The following ARHGAP8 variants were observed in gnomAD, a reference collection of about 807,000 sequenced individuals.
ARHGAP8 encodes rho GTPase-activating protein 8.
ARHGAP8 carries 62 observed loss-of-function variants against 46.1 expected under a neutral mutation model. The ratio of observed to expected loss-of-function variants is 1.34; its 90% CI spans 1.10 to 1.66. The LOEUF is 1.66. ARHGAP8 is among the 40% of genes most tolerant of loss of function. The probability of loss-of-function intolerance (pLI) is 0.00; values close to 1 mark genes in which losing one functional copy is unlikely to be tolerated. For synonymous variants in ARHGAP8, 375 were observed against 243.1 expected (o/e 1.54, Z -5.05); for missense variants, 923 against 568.4 (o/e 1.62, Z -6.34).
chr22:44,821,127 C>G (rs1337525760), intron 5 of ARHGAP8, among the ~76,000 whole-genome samples: 1 of 152,064 alleles, frequency 6.6e-6, no homozygotes, highest in Non-Finnish European at 1.5e-5. Flanking sequence ...AATTCTTTAC[C>G]CACATTAATA....
At chr22:44,756,664 C>G (rs1184950169) in intron 1 of ARHGAP8, among the ~76,000 whole-genome samples, 1 of 150,050 alleles carries the variant, frequency 6.7e-6, no homozygotes, top group Non-Finnish European at 1.5e-5. Context: ...CTCCCTATTC[C>G]CCATATCATT....
rs117130706 is a variant in ARHGAP8 at position 44,804,052 on chromosome 22, C to T, written c.167+1888C>T. 4.2e-3 allele frequency among the ~76,000 whole-genome samples: 631 copies of T among 151,798 alleles called. 12 individuals carry two copies. In the East Asian group the frequency reaches 0.06, roughly 14 times the overall value. ...CAGTCTTGAGCGTGGGCCCGGGCCT[C>T]ACGCCCTCTTAGGTCTGCCTGCTTC... On this transcript the variant is annotated intron_variant, in intron 3 of 11. Coordinates refer to ENST00000356099, the MANE Select transcript of ARHGAP8 (RefSeq NM_181335.3).
chr22:44,776,091 C>T (rs970436895), intron 1 of ARHGAP8, among the ~76,000 whole-genome samples: 1 of 152,192 alleles, frequency 6.6e-6, no homozygotes, highest in Non-Finnish European at 1.5e-5. Flanking sequence ...CTTCACGGCA[C>T]TTCCCATCCC....
intron 10 of ARHGAP8, among the ~76,000 whole-genome samples, chr22:44,855,466 C>G (rs766549126): frequency 2.0e-5 from 3 of 152,118 alleles, no homozygotes; most frequent in Non-Finnish European, 4.4e-5. Flanking sequence ...TGCCTGGCCA[C>G]AAACCAAGAT....
chr22:44,817,134 G>GC (rs78108808), intron 5 of ARHGAP8, among the ~76,000 whole-genome samples: 20,283 of 152,038 alleles, frequency 0.13, 2,000 homozygotes, highest in East Asian at 0.37. Flanking sequence ...TGATCCACCC[G>GC]CCTCGGCCTC....
At chr22:44,801,231 C>T (rs187099634) in intron 2 of ARHGAP8, among the ~76,000 whole-genome samples, 14 of 68,912 alleles carry the variant, frequency 2.0e-4, no homozygotes, top group Non-Finnish European at 2.2e-4. Flanking sequence ...CGCAGCTGTC[C>T]ATGTGTGGGG....
At chr22:44,792,792 A>AGTGGTGGTGGTGGTG (rs756818869) in intron 2 of ARHGAP8, among the ~76,000 whole-genome samples, 31 of 91,954 alleles carry the variant, frequency 3.4e-4, no homozygotes, top group African/African-American at 1.3e-3. Flanking sequence ...CACTAACGAC[A>AGTGGTGGTGGTGGTG]GTGGTGGTGG....
chr22:44,803,203 C>T (rs1188466777), intron 3 of ARHGAP8, among the ~76,000 whole-genome samples: 1 of 152,112 alleles, frequency 6.6e-6, no homozygotes, highest in East Asian at 1.9e-4. Context: ...TGAGGGGGTG[C>T]CTGGGCCCCA....
intron 7 of ARHGAP8, among the ~76,000 whole-genome samples, chr22:44,828,179 A>G (rs1388294493): frequency 6.6e-6 from 1 of 152,234 alleles, no homozygotes; most frequent in Non-Finnish European, 1.5e-5. Flanking sequence ...GCAAGAGACT[A>G]TATGTTGAAA....
intron 10 of ARHGAP8, 28 bp from the exon 11 acceptor site, chr22:44,859,703 C>T (rs374860766): frequency 1.9e-5 from 31 of 1,610,394 alleles, no homozygotes; most frequent in Middle Eastern, 1.6e-4. Flanking sequence ...CCCTCTGGAG[C>T]TCAGCAGGGA....
At chr22:44,858,987 A>G (rs376328479) in intron 10 of ARHGAP8, among the ~76,000 whole-genome samples, 6 of 151,804 alleles carry the variant, frequency 4.0e-5, no homozygotes, top group African/African-American at 7.3e-5. Flanking sequence ...GCAATGTACA[A>G]AATGTCCGTG....
chr22:44,846,813 G>A (rs905227828), intron 8 of ARHGAP8, among the ~76,000 whole-genome samples: 7 of 152,120 alleles, frequency 4.6e-5, no homozygotes, highest in East Asian at 3.9e-4. Flanking sequence ...CTATTCCACC[G>A]AGAGCTGCCC....
chr22:44,801,981 C>G (rs564755138), intron 2 of ARHGAP8, 96 bp from the exon 3 acceptor site: 2 of 1,464,014 alleles, frequency 1.4e-6, no homozygotes, highest in Non-Finnish European at 1.9e-6. Flanking sequence ...CCTCCCAGCT[C>G]GGGCTGGACT....
chr22:44,852,272 T>G (rs2070115912), intron 10 of ARHGAP8, among the ~76,000 whole-genome samples: 1 of 151,620 alleles, frequency 6.6e-6, no homozygotes, highest in African/African-American at 2.4e-5. Context: ...CCCGAATGTT[T>G]TGATACTAGG....
intron 2 of ARHGAP8, among the ~76,000 whole-genome samples, chr22:44,794,438 C>T (rs1050393767): frequency 1.1e-4 from 16 of 152,072 alleles, no homozygotes; most frequent in African/African-American, 3.6e-4. Context: ...TGGCCAGGCA[C>T]GGTGGCTCAC....
chr22:44,785,922 C>T (rs1166616042), intron 1 of ARHGAP8: 1 of 154,080 alleles, frequency 6.5e-6, no homozygotes, highest in Non-Finnish European at 1.4e-5. Flanking sequence ...AGGCCTGGCT[C>T]AGAATTTGGA....
rs34957650 is a variant in ARHGAP8, at chr22:44,787,029, C to CAAAAAAAAA, written c.79+430_79+431insAAAAAAAAA. Among the ~76,000 whole-genome samples the CAAAAAAAAA allele has an allele frequency of 1.5e-3, 145 of 94,678 alleles. 5 individuals carry two copies. The highest frequency in any genetic ancestry group is 4.5e-3 in the African/African-American group (113 of 24,916). 62.1% of individuals were successfully genotyped at this position (94,678 alleles called of 152,430 possible). A position where few individuals can be genotyped will look rare whatever the true frequency, so the allele number is the denominator to read the frequency against. ...GTGACAGAGTGGTGAGACCCTGTCT[C>CAAAAAAAAA]AAAAAAACAAAAAAAAAAAAAAGAA... On this transcript the variant is annotated intron_variant, in intron 2 of 11. Coordinates refer to ENST00000356099, the MANE Select transcript of ARHGAP8 (RefSeq NM_181335.3).
chr22:44,801,803 G>A, intron 2 of ARHGAP8: 1 of 499,188 alleles, frequency 2.0e-6, no homozygotes, highest in South Asian at 2.4e-5. Flanking sequence ...AGCTGGCTCT[G>A]CACTGATGAC....
chr22:44,761,244 G>C (rs553146596), intron 1 of ARHGAP8, among the ~76,000 whole-genome samples: 1 of 152,312 alleles, frequency 6.6e-6, no homozygotes, highest in African/African-American at 2.4e-5. Context: ...CTCTGTATTC[G>C]TGGGCTCTGC....
Sources: allele counts gnomAD v4.1 joint callset (sites outside exome capture counted in the v4.1 genomes callset), GRCh38; gene constraint gnomAD v4.1.1; transcripts MANE v1.5; gene names NCBI Gene and HGNC (gene_info 2026-07-23, HGNC 2026-07-21).